Variants in SRPK1 observed in about 807,000 individuals in gnomAD.
SRPK1 encodes SRSF protein kinase 1.
Under a neutral mutation model 89.5 loss-of-function variants are expected in SRPK1, and 52 were observed. That is an observed-to-expected ratio of 0.58 (90% confidence interval 0.46 to 0.73). SRPK1 has a LOEUF of 0.73. Ranked by LOEUF, SRPK1 falls within the 30% of genes least tolerant of loss-of-function variation. SRPK1 has a pLI of 0.00. For missense variants in SRPK1, 603 were observed against 780.6 expected (o/e 0.77, Z 2.71); for synonymous variants, 255 against 270.2 (o/e 0.94, Z 0.55).
chr6:35,838,379 T>C lies in SRPK1; in HGVS notation c.1741A>G (p.Ile581Val), dbSNP rs1311491902. The part of the protein sequence containing the change: ...ELLGKVPRKL[I>V]VAGKYSKEFF... ...TCCTTGGAATATTTTCCTGCCACAA[T>C]GAGCTTGCGAGGCACCTTCCCCAGA... is the stretch of plus-strand genomic sequence containing the variant. The change falls in exon 15 of 16, where the codon ATT becomes GTT. Residue 581 changes from isoleucine to valine, a missense_variant. Ile to Val is a conservative substitution (Grantham distance 29). Transcript: ENST00000373825. The C allele has an allele frequency of 3.2e-6, 5 of 1,582,206 alleles. No individual in the cohort carries two copies. Among genetic ancestry groups the C allele is most frequent in the South Asian group, 2.4e-5 (2 of 84,032 alleles).
chr6:35,838,500 G>A (rs1039694223), intron 14 of SRPK1, 71 bp from the exon 15 acceptor site: 1 of 1,388,374 alleles, frequency 7.2e-7, no homozygotes, highest in Non-Finnish European at 9.8e-7. Flanking sequence ...TGCAGCTCTA[G>A]AAAACAGCAG....
intron 12 of SRPK1, among the ~76,000 whole-genome samples, chr6:35,863,485 AAATG>A (rs1381580595): frequency 9.8e-4 from 149 of 151,572 alleles, no homozygotes; most frequent in African/African-American, 3.4e-3. Flanking sequence ...TTAATTAATT[AAATG>A]AATGAATAAA....
chr6:35,888,453 A>G (rs1770453903), intron 4 of SRPK1, among the ~76,000 whole-genome samples: 1 of 152,224 alleles, frequency 6.6e-6, no homozygotes, highest in African/African-American at 2.4e-5. Flanking sequence ...TGTTCTGTGT[A>G]TATATCTGTA....
Position 35,869,715 on chromosome 6 carries a change from T to A in SRPK1, c.1178A>T (p.Gln393Leu). Reference protein sequence around the residue: ...ANDCDVQNLNQESSFLSSQNG... With the variant: ...ANDCDVQNLNLESSFLSSQNG... ...TTGGGAGCTTAGGAAACTAGATTCC[T>A]GATTCAAATTTTGGACATCACAGTC... Residue 393 changes from glutamine (Q) to leucine (L), a missense_variant, in exon 11 of 16, where the codon CAG becomes CTG. Physicochemically the swap from Gln to Leu is moderately radical, Grantham distance 113. Coordinates refer to ENST00000373825, the MANE Select transcript of SRPK1 (RefSeq NM_003137.5). The A allele has an allele frequency of 6.2e-6, 10 of 1,613,894 alleles. No individual in the cohort carries two copies. The highest frequency in any genetic ancestry group is 8.5e-6 in the Non-Finnish European group (10 of 1,179,782).
chr6:35,840,409 G>A (rs1300365903), intron 14 of SRPK1, among the ~76,000 whole-genome samples: 1 of 152,064 alleles, frequency 6.6e-6, no homozygotes, highest in African/African-American at 2.4e-5. Context: ...GTTTTTGGCA[G>A]GACCTGCAAA....
At chr6:35,876,381 A>G (rs1482693363) in intron 6 of SRPK1, among the ~76,000 whole-genome samples, 2 of 152,202 alleles carry the variant, frequency 1.3e-5, no homozygotes, top group Non-Finnish European at 2.9e-5. Context: ...TCATGCCTGT[A>G]ATCCTAGCAC....
At chr6:35,846,528 C>CCTG (rs1277822894) in intron 13 of SRPK1, among the ~76,000 whole-genome samples, 1 of 150,324 alleles carries the variant, frequency 6.7e-6, no homozygotes, top group Admixed American at 6.6e-5. Context: ...CAACCTGCGT[C>CCTG]CTGCATGACA....
chr6:35,868,980 C>T, intron 12 of SRPK1, 30 bp downstream of exon 12: 1 of 1,588,440 alleles, frequency 6.3e-7, no homozygotes, highest in South Asian at 1.1e-5. Context: ...CCAGTCACTT[C>T]AAAACACCAT....
At chr6:35,914,584 T>C (rs1251489469) in intron 2 of SRPK1, among the ~76,000 whole-genome samples, 1 of 152,174 alleles carries the variant, frequency 6.6e-6, no homozygotes, top group Non-Finnish European at 1.5e-5. Context: ...CCACTTATCT[T>C]TCTCTTTTTT....
intron 12 of SRPK1, among the ~76,000 whole-genome samples, chr6:35,857,618 A>T (rs951832164): frequency 2.0e-5 from 3 of 152,186 alleles, no homozygotes; most frequent in African/African-American, 7.2e-5. Context: ...AGGAAACAAC[A>T]ACAGCTTTTT....
At chr6:35,864,807 T>G (rs191355346) in intron 12 of SRPK1, among the ~76,000 whole-genome samples, 4 of 152,218 alleles carry the variant, frequency 2.6e-5, no homozygotes, top group Non-Finnish European at 4.4e-5. Flanking sequence ...CATCAACAGA[T>G]GAATTAAAAA....
At chr6:35,905,639 T>A (rs1265711516) in intron 2 of SRPK1, among the ~76,000 whole-genome samples, 3 of 152,218 alleles carry the variant, frequency 2.0e-5, no homozygotes, top group Non-Finnish European at 4.4e-5. Flanking sequence ...CAGTGAAATA[T>A]ACTCTAAGAA....
Position 35,870,294 on chromosome 6 carries a change from G to C in SRPK1, c.978C>G (p.Thr326=). 6.2e-7 allele frequency: 1 copy of C among 1,611,396 alleles called. No homozygotes were observed. Among genetic ancestry groups the C allele is most frequent in the Admixed American group, 1.7e-5 (1 of 59,486 alleles). ...PLKENPPNKM[T]QEKLEESSTI... The stretch of plus-strand genomic sequence containing the variant: ...TTCTATTTATACCAAGTTTTTCTTG[G>C]GTCATTTTATTAGGTGGGTTCTCTT... The change falls in exon 10 of 16, where the codon ACC becomes ACG. Residue 326 remains threonine, a synonymous_variant. Transcript: ENST00000373825.
chr6:35,834,556 TAGA>T lies in SRPK1; in HGVS notation c.*745_*747del, dbSNP rs1769135519. On this transcript the variant is annotated 3_prime_UTR_variant, in exon 16 of 16. Transcript: ENST00000373825. ...CAAAATAACTCTGGTCTTAGGGTAA[TAGA>T]AGACATACAGGAAAGGACTGTTTAT... 1 of 152,184 alleles carries T rather than the reference TAGA, an allele frequency of 6.6e-6. No homozygotes were observed. Among genetic ancestry groups the T allele is most frequent in the African/African-American group, 2.4e-5 (1 of 41,448 alleles). 9.4% of individuals were successfully genotyped at this position (152,184 alleles called of 1,614,324 possible).
At chr6:35,908,340 G>A (rs757442176) in intron 2 of SRPK1, among the ~76,000 whole-genome samples, 6 of 152,174 alleles carry the variant, frequency 3.9e-5, no homozygotes, top group Non-Finnish European at 8.8e-5. Context: ...TGATAGTGAG[G>A]TGAACAATGA....
intron 2 of SRPK1, among the ~76,000 whole-genome samples, chr6:35,899,732 T>C (rs1770702903): frequency 1.3e-5 from 2 of 152,154 alleles, no homozygotes. Flanking sequence ...CCGGGCACGG[T>C]GGCTCATGCC....
intron 15 of SRPK1, among the ~76,000 whole-genome samples, 198 bp from the exon 16 acceptor site, chr6:35,835,686 CA>C (rs1344058755): frequency 6.6e-6 from 1 of 152,140 alleles, no homozygotes; most frequent in Non-Finnish European, 1.5e-5. Context: ...CATACGGCTC[CA>C]AAAATTTAAG....
chr6:35,901,821 T>A (rs76925424), intron 2 of SRPK1, among the ~76,000 whole-genome samples: 1,620 of 152,320 alleles, frequency 0.011, 31 homozygotes, highest in African/African-American at 0.037. Context: ...GACATAATCC[T>A]TTACATATCT....
intron 14 of SRPK1, among the ~76,000 whole-genome samples, chr6:35,839,102 C>T (rs542256988): frequency 2.1e-4 from 32 of 152,350 alleles, no homozygotes. Flanking sequence ...GTTAGGCATT[C>T]TAGAACTATT....
Sources: allele counts gnomAD v4.1 joint callset (sites outside exome capture counted in the v4.1 genomes callset), GRCh38; gene constraint gnomAD v4.1.1; transcripts MANE v1.5; gene names NCBI Gene and HGNC (gene_info 2026-07-23, HGNC 2026-07-21).